ATRNL1: variants seen among roughly 807,000 people sequenced by gnomAD.
ATRNL1 encodes attractin like 1.
Under a neutral mutation model 182.7 loss-of-function variants are expected in ATRNL1, and 95 were observed. The observed-to-expected ratio is 0.52, with a 90% CI of 0.44 to 0.62. The LOEUF (loss-of-function observed/expected upper bound fraction) is 0.62, where lower values mean the gene tolerates loss of function less well. ATRNL1 is among the 20% of genes least tolerant of loss of function. The probability of loss-of-function intolerance (pLI) is 0.00; values close to 1 mark genes in which losing one functional copy is unlikely to be tolerated. For missense variants in ATRNL1, 1,471 were observed against 1,679.5 expected (o/e 0.88, Z 2.17); for synonymous variants, 576 against 568.3 (o/e 1.01, Z -0.19).
chr10:115,473,643 G>A (rs1332354295), intron 24 of ATRNL1, among the ~76,000 whole-genome samples: 1 of 151,198 alleles, frequency 6.6e-6, no homozygotes, highest in Admixed American at 6.6e-5. Flanking sequence ...AGTTTGAGAT[G>A]GCTTGGTGTT....
intron 27 of ATRNL1, among the ~76,000 whole-genome samples, chr10:115,769,934 AC>A (rs1176475698): frequency 2.0e-5 from 3 of 152,186 alleles, no homozygotes; most frequent in Admixed American, 6.5e-5. Context: ...GAAGGGTCAA[AC>A]AACTATTACC....
intron 8 of ATRNL1, among the ~76,000 whole-genome samples, chr10:115,205,672 A>G (rs148391751): frequency 1.6e-3 from 247 of 152,136 alleles, no homozygotes; most frequent in African/African-American, 5.6e-3. Context: ...TTAAAAAGTA[A>G]TACTTTTTAG....
intron 24 of ATRNL1, among the ~76,000 whole-genome samples, chr10:115,475,755 TTCA>T (rs1485855636): frequency 6.6e-6 from 1 of 151,362 alleles, no homozygotes; most frequent in Non-Finnish European, 1.5e-5. Context: ...TTTCTTTTTC[TTCA>T]TCATCACCGT....
chr10:115,203,832 A>G lies in ATRNL1; in HGVS notation c.1349-11865A>G, dbSNP rs560792242. 8.8e-5 allele frequency among the ~76,000 whole-genome samples: 13 copies of G among 148,464 alleles called. No homozygotes were observed. The East Asian group carries it at 2.6e-3, about 30-fold the overall frequency. ...GGCTGCTCTTGAACTCCTGGCCCCA[A>G]GTGATCCTCCTGTCTTGGCCTCCCA... On this transcript the variant is annotated intron_variant, in intron 8 of 28. Coordinates refer to ENST00000355044, the MANE Select transcript of ATRNL1 (RefSeq NM_207303.4).
intron 19 of ATRNL1, among the ~76,000 whole-genome samples, chr10:115,353,932 T>C (rs1856386830): frequency 6.6e-6 from 1 of 152,168 alleles, no homozygotes; most frequent in Non-Finnish European, 1.5e-5. Context: ...CTTTTCATAT[T>C]GTCTATCTTT....
chr10:115,451,819 A>C (rs1414761107), intron 21 of ATRNL1, among the ~76,000 whole-genome samples: 1 of 152,182 alleles, frequency 6.6e-6, no homozygotes, highest in Non-Finnish European at 1.5e-5. Context: ...ACAAATGTCC[A>C]CTGCAGCACT....
intron 27 of ATRNL1, among the ~76,000 whole-genome samples, chr10:115,826,475 T>C (rs1007581): frequency 0.48 from 72,750 of 151,860 alleles, 18,738 homozygotes; most frequent in East Asian, 0.76. Flanking sequence ...CAGCAGCTTT[T>C]TCACTCCCAT....
intron 24 of ATRNL1, among the ~76,000 whole-genome samples, chr10:115,491,019 A>G (rs1410178854): frequency 6.6e-6 from 1 of 152,126 alleles, no homozygotes; most frequent in Non-Finnish European, 1.5e-5. Context: ...AATTTGCTGG[A>G]TGTCCACTCC....
In ATRNL1 at chr10:115,546,975, C is replaced by T. The variant is rs1447972598; in HGVS notation, c.3717-2483C>T. 2.6e-5 allele frequency among the ~76,000 whole-genome samples: 4 copies of T among 152,142 alleles called. No homozygotes were observed. In the East Asian group the frequency reaches 7.7e-4, roughly 29 times the overall value. On this transcript the variant is annotated intron_variant, in intron 25 of 28. Transcript: ENST00000355044. ...GGTTGATAAAAGTTAGAATATTGGC[C>T]AGGTGTGGTGGCTCATGCCTATAAT... is the stretch of plus-strand genomic sequence containing the variant.
intron 19 of ATRNL1, among the ~76,000 whole-genome samples, chr10:115,351,742 G>GTGTTTTGTTTTGTTT (rs61367511): frequency 0.17 from 25,708 of 149,760 alleles, 2,346 homozygotes; most frequent in Non-Finnish European, 0.2. Context: ...TTCTTTTCTT[G>GTGTTTTGTTTTGTTT]TGTTTTGTTT....
intron 18 of ATRNL1, among the ~76,000 whole-genome samples, chr10:115,330,648 TG>T (rs1554934759): frequency 6.6e-6 from 1 of 151,300 alleles, no homozygotes; most frequent in Non-Finnish European, 1.5e-5. Flanking sequence ...TCAGGCATAT[TG>T]GAATTCCTTT....
intron 27 of ATRNL1, among the ~76,000 whole-genome samples, chr10:115,784,001 G>A (rs1250011094): frequency 6.6e-6 from 1 of 152,142 alleles, no homozygotes; most frequent in Non-Finnish European, 1.5e-5. Flanking sequence ...GACAGAGCGA[G>A]ACTCCATCCC....
chr10:115,696,422 A>T (rs1425077109), intron 26 of ATRNL1, among the ~76,000 whole-genome samples: 1 of 152,158 alleles, frequency 6.6e-6, no homozygotes, highest in East Asian at 1.9e-4. Flanking sequence ...GTGAGCCAAG[A>T]TCGTGCCACT....
intron 28 of ATRNL1, among the ~76,000 whole-genome samples, chr10:115,888,779 G>T (rs1952011810): frequency 6.6e-6 from 1 of 152,092 alleles, no homozygotes; most frequent in African/African-American, 2.4e-5. Context: ...GACGATTTAG[G>T]CCCCCTTCAT....
intron 27 of ATRNL1, among the ~76,000 whole-genome samples, chr10:115,802,001 C>T (rs1949804176): frequency 9.2e-6 from 1 of 109,180 alleles, no homozygotes; most frequent in African/African-American, 3.3e-5. Context: ...TATGGAAAAA[C>T]TTGCCTTAAA....
At chr10:115,496,515 C>A (rs782154607) in intron 24 of ATRNL1, among the ~76,000 whole-genome samples, 1 of 151,704 alleles carries the variant, frequency 6.6e-6, no homozygotes, top group Non-Finnish European at 1.5e-5. Flanking sequence ...GTTTTTAGCT[C>A]TGTTTATGTG....
chr10:115,093,374 G>C lies in ATRNL1; in HGVS notation c.-377G>C, dbSNP rs2143314817. 1 of 163,298 alleles carries C rather than the reference G, an allele frequency of 6.1e-6. No individual in the cohort carries two copies. Among genetic ancestry groups the C allele is most frequent in the Non-Finnish European group, 1.3e-5 (1 of 77,246 alleles). 10.1% of individuals were successfully genotyped at this position (163,298 alleles called of 1,614,324 possible). The stretch of plus-strand genomic sequence containing the variant: ...CGCTCGGAGCCGAGGCAGTTGGCGC[G>C]GGCCGCGGGCGAGGCGGGGCCGCGC... On this transcript the variant is annotated 5_prime_UTR_variant, in exon 1 of 29. Transcript: ENST00000355044. This position sits in a 1 kb window ranked among gnomAD's most constrained non-coding sequence, Gnocchi z 6.1.
At chr10:115,289,418 T>G (rs547530350) in intron 15 of ATRNL1, among the ~76,000 whole-genome samples, 8 of 152,240 alleles carry the variant, frequency 5.3e-5, no homozygotes, top group Non-Finnish European at 1.0e-4. Flanking sequence ...TTGCTTTAGT[T>G]TCCTGTGCTT....
intron 26 of ATRNL1, among the ~76,000 whole-genome samples, chr10:115,617,903 A>G (rs1857520459): frequency 6.6e-6 from 1 of 152,140 alleles, no homozygotes; most frequent in Non-Finnish European, 1.5e-5. Flanking sequence ...TCCTAATGTT[A>G]TAGGTGGGGT....
Sources: gnomAD v4.1 joint callset for allele counts (sites outside exome capture counted in the v4.1 genomes callset) on GRCh38, gnomAD v4.1.1 for gene constraint, Gnocchi (gnomAD v3.1) non-coding constraint, MANE v1.5 for transcripts, NCBI Gene and HGNC (gene_info 2026-07-23, HGNC 2026-07-21) for gene names.